The following CCSER1 variants were observed in gnomAD, a reference collection of about 807,000 sequenced individuals.
The protein encoded by CCSER1 is serine-rich coiled-coil domain-containing protein 1.
In CCSER1, 41 loss-of-function variants were observed where a neutral mutation model predicts 82.0. That is an observed-to-expected ratio of 0.50 (90% CI 0.39 to 0.65). The LOEUF is 0.65. CCSER1 is among the 30% of genes least tolerant of loss of function. The probability of loss-of-function intolerance (pLI) is 0.00; values close to 1 mark genes in which losing one functional copy is unlikely to be tolerated. For missense variants in CCSER1, 1,119 were observed against 1,064.2 expected, an observed-to-expected ratio of 1.05 and a Z score of -0.72; for synonymous variants, 414 against 383.9, an observed-to-expected ratio of 1.08 and a Z score of -0.92.
chr4:90,564,503 T>G (rs1779146308), intron 5 of CCSER1, among the ~76,000 whole-genome samples: 1 of 152,206 alleles, frequency 6.6e-6, no homozygotes, highest in Non-Finnish European at 1.5e-5. Context: ...TTGTTTCCTT[T>G]ACTGGGCAGA....
At chr4:91,408,337 GTA>G (rs1429717282) in intron 10 of CCSER1, among the ~76,000 whole-genome samples, 1 of 152,086 alleles carries the variant, frequency 6.6e-6, no homozygotes, top group East Asian at 1.9e-4. Flanking sequence ...GTATAATTTA[GTA>G]TAATTCTCTA....
chr4:90,540,004 CAG>C (rs1326883077), intron 5 of CCSER1, among the ~76,000 whole-genome samples: 10 of 151,980 alleles, frequency 6.6e-5, no homozygotes, highest in Non-Finnish European at 1.3e-4. Context: ...TGGCAAGAAA[CAG>C]GGCAATTTCA....
intron 8 of CCSER1, among the ~76,000 whole-genome samples, chr4:90,836,967 A>T (rs1191903748): frequency 6.6e-6 from 1 of 152,242 alleles, no homozygotes; most frequent in Non-Finnish European, 1.5e-5. Context: ...GCTGAAAATA[A>T]CTTTATCTAC....
At chr4:91,403,711 A>G (rs1255876668) in intron 10 of CCSER1, among the ~76,000 whole-genome samples, 1 of 152,158 alleles carries the variant, frequency 6.6e-6, no homozygotes, top group Non-Finnish European at 1.5e-5. Context: ...TGATTTGTGT[A>G]TGTTGAACCA....
intron 9 of CCSER1, among the ~76,000 whole-genome samples, chr4:90,953,698 T>C (rs1258680035): frequency 2.0e-5 from 3 of 151,890 alleles, no homozygotes; most frequent in Non-Finnish European, 2.9e-5. Flanking sequence ...GTGTATATAC[T>C]TTTTACAAGT....
chr4:90,943,479 A>G (rs961497925), intron 9 of CCSER1, among the ~76,000 whole-genome samples: 1 of 152,192 alleles, frequency 6.6e-6, no homozygotes, highest in Non-Finnish European at 1.5e-5. Context: ...GATCCATTTC[A>G]GTAATGCCTA....
chr4:90,837,036 TCTA>T (rs562887219), intron 8 of CCSER1, among the ~76,000 whole-genome samples: 48 of 152,338 alleles, frequency 3.2e-4, no homozygotes, highest in African/African-American at 9.9e-4. Flanking sequence ...GAATCATCTT[TCTA>T]CTATCTTTAT....
chr4:91,591,715 T>C (rs1190287585), intron 10 of CCSER1, among the ~76,000 whole-genome samples: 1 of 152,174 alleles, frequency 6.6e-6, no homozygotes, highest in Non-Finnish European at 1.5e-5. Context: ...GTGAAACATA[T>C]TTTAATGCGA....
chr4:91,102,002 C>T (rs866426713), intron 10 of CCSER1, among the ~76,000 whole-genome samples: 3 of 151,582 alleles, frequency 2.0e-5, no homozygotes, highest in Non-Finnish European at 2.9e-5. Flanking sequence ...GCAGGATTTT[C>T]CTCACTTTTG....
At chr4:91,247,587 G>A (rs1210466587) in intron 10 of CCSER1, among the ~76,000 whole-genome samples, 2 of 152,156 alleles carry the variant, frequency 1.3e-5, no homozygotes, top group African/African-American at 4.8e-5. Context: ...AAGGAACCAG[G>A]GCCGGGCATG....
chr4:90,850,823 C>A (rs1257277422), intron 8 of CCSER1, among the ~76,000 whole-genome samples: 2 of 152,130 alleles, frequency 1.3e-5, no homozygotes, highest in East Asian at 3.9e-4. Flanking sequence ...GTTAGAAGGG[C>A]ACAATTGTGT....
chr4:90,764,360 A>T (rs973742876), intron 7 of CCSER1, among the ~76,000 whole-genome samples: 7 of 152,220 alleles, frequency 4.6e-5, no homozygotes, highest in African/African-American at 1.7e-4. Flanking sequence ...CCATGAAGCC[A>T]TTCATCTGCT....
chr4:90,202,500 G>A (rs963779401), intron 1 of CCSER1, among the ~76,000 whole-genome samples: 7 of 152,110 alleles, frequency 4.6e-5, no homozygotes, highest in Admixed American at 3.3e-4. Flanking sequence ...ACTGTGACCC[G>A]CCGTAAATAA....
chr4:90,682,152 T>G (rs947633550), intron 6 of CCSER1, among the ~76,000 whole-genome samples: 1 of 151,928 alleles, frequency 6.6e-6, no homozygotes, highest in Non-Finnish European at 1.5e-5. Context: ...TGTAGGTAAA[T>G]CATCTTGGAG....
At chr4:91,103,419 GA>G (rs893997941) in intron 10 of CCSER1, among the ~76,000 whole-genome samples, 5 of 151,822 alleles carry the variant, frequency 3.3e-5, no homozygotes, top group Admixed American at 6.6e-5. Context: ...ACCTAATAAT[GA>G]AAAAAATGCA....
intron 10 of CCSER1, among the ~76,000 whole-genome samples, chr4:91,196,123 C>T (rs75211210): frequency 6.8e-6 from 1 of 147,726 alleles, no homozygotes; most frequent in Non-Finnish European, 1.5e-5. Flanking sequence ...GGAGGCGGAG[C>T]TTGCAGTGAG....
chr4:90,333,745 C>A (rs766988822), intron 3 of CCSER1, among the ~76,000 whole-genome samples: 42 of 152,206 alleles, frequency 2.8e-4, no homozygotes, highest in Non-Finnish European at 5.1e-4. Flanking sequence ...ATAAGAAAAC[C>A]TGCACAATAG....
At chr4:91,463,887 C>T (rs993515669) in intron 10 of CCSER1, among the ~76,000 whole-genome samples, 1 of 152,116 alleles carries the variant, frequency 6.6e-6, no homozygotes, top group African/African-American at 2.4e-5. Context: ...ATTGGTGTAC[C>T]TGAAAGTAAC....
intron 9 of CCSER1, among the ~76,000 whole-genome samples, chr4:91,019,413 C>T (rs76371579): frequency 0.049 from 7,407 of 151,750 alleles, 403 homozygotes; most frequent in African/African-American, 0.12. Context: ...TCTAAAAACA[C>T]GAATTATTTT....
Sources: gnomAD v4.1 joint callset for allele counts (sites outside exome capture counted in the v4.1 genomes callset) on GRCh38, gnomAD v4.1.1 for gene constraint, MANE v1.5 for transcripts, NCBI Gene and HGNC (gene_info 2026-07-23, HGNC 2026-07-21) for gene names.